Variants in MTX2 observed in about 807,000 individuals in gnomAD.
The protein encoded by MTX2 is metaxin-2.
MTX2 carries 35 observed loss-of-function variants against 42.3 expected under a neutral mutation model. The observed-to-expected ratio is 0.83, with a 90% confidence interval of 0.63 to 1.10. MTX2 has a LOEUF of 1.10. Among genes scored for constraint, MTX2 ranks in the 50% least tolerant of loss-of-function variants. MTX2 has a pLI of 0.00. For synonymous variants in MTX2, 119 were observed against 100.9 expected (o/e 1.18, Z -1.08); for missense variants, 307 against 304.1 (o/e 1.01, Z -0.07).
rs752407774 is a variant in MTX2 at position 176,337,468 on chromosome 2, ACATTACTCT to A, written c.621-20_621-12del. 1 of 1,545,458 alleles carries A rather than the reference ACATTACTCT, an allele frequency of 6.5e-7. No homozygotes were observed. The highest frequency in any genetic ancestry group is 1.2e-5 in the South Asian group (1 of 80,850). Reference sequence around the variant, plus strand: ...TGTAAAAGTTAAATGCTACTTACTCACATTACTCTCATTTCTACTTTTAGGCCTACTGAA... The same window carrying A: ...TGTAAAAGTTAAATGCTACTTACTCACATTTCTACTTTTAGGCCTACTGAA... On this transcript the variant is annotated splice_polypyrimidine_tract_variant and intron_variant, in intron 9 of 9. Coordinates refer to ENST00000249442, the MANE Select transcript of MTX2 (RefSeq NM_006554.5).
chr2:176,295,991 C>G (rs1395881502), intron 1 of MTX2, among the ~76,000 whole-genome samples: 1 of 152,098 alleles, frequency 6.6e-6, no homozygotes, highest in Non-Finnish European at 1.5e-5. Flanking sequence ...ATGGCTTTTA[C>G]AAAGGAGAAT....
chr2:176,309,938 C>T (rs1385014475), intron 3 of MTX2, among the ~76,000 whole-genome samples: 5 of 152,056 alleles, frequency 3.3e-5, no homozygotes, highest in African/African-American at 9.7e-5. Context: ...TGAATTTGAT[C>T]CTGTCATTAT....
intron 1 of MTX2, among the ~76,000 whole-genome samples, chr2:176,296,348 G>T (rs1302276158): frequency 6.6e-6 from 1 of 152,138 alleles, no homozygotes; most frequent in Admixed American, 6.6e-5. Context: ...AATACTGCCA[G>T]ATTGTGGGGA....
chr2:176,288,199 A>G (rs1377704876), intron 1 of MTX2, among the ~76,000 whole-genome samples: 2 of 152,092 alleles, frequency 1.3e-5, no homozygotes, highest in Non-Finnish European at 2.9e-5. Context: ...TTTCGAATTT[A>G]ATATATAGCC....
intron 1 of MTX2, among the ~76,000 whole-genome samples, chr2:176,278,551 G>C (rs1458333053): frequency 6.6e-6 from 1 of 152,054 alleles, no homozygotes; most frequent in African/African-American, 2.4e-5. Context: ...TTGGTGATGG[G>C]TGCCCCATAA....
intron 1 of MTX2, among the ~76,000 whole-genome samples, chr2:176,285,257 G>A (rs926384344): frequency 1.3e-5 from 2 of 151,896 alleles, no homozygotes; most frequent in African/African-American, 4.8e-5. Flanking sequence ...TAAAGTTGTG[G>A]GATGTTTAAT....
At chr2:176,293,737 T>G (rs1050767340) in intron 1 of MTX2, among the ~76,000 whole-genome samples, 1 of 152,194 alleles carries the variant, frequency 6.6e-6, no homozygotes, top group Non-Finnish European at 1.5e-5. Flanking sequence ...CAAAATAAAC[T>G]TCTTTTCTGT....
chr2:176,296,625 C>G (rs1047125672), intron 1 of MTX2, among the ~76,000 whole-genome samples: 3 of 151,892 alleles, frequency 2.0e-5, no homozygotes, highest in African/African-American at 7.3e-5. Context: ...TTCCCCTCTT[C>G]CCCATTAAAA....
intron 1 of MTX2, among the ~76,000 whole-genome samples, chr2:176,277,445 C>T (rs1405173426): frequency 6.6e-6 from 1 of 152,154 alleles, no homozygotes; most frequent in Non-Finnish European, 1.5e-5. Flanking sequence ...TCTTGTTGCC[C>T]AGGCTGGAGT....
chr2:176,311,856 C>T (rs1684318060), intron 3 of MTX2, among the ~76,000 whole-genome samples: 1 of 152,210 alleles, frequency 6.6e-6, no homozygotes, highest in Non-Finnish European at 1.5e-5. Flanking sequence ...CTTGCGCTTC[C>T]TGGGTGAGGC....
intron 3 of MTX2, among the ~76,000 whole-genome samples, chr2:176,305,173 G>A (rs1684109818): frequency 6.6e-6 from 1 of 151,974 alleles, no homozygotes; most frequent in African/African-American, 2.4e-5. Flanking sequence ...AAGACAGTTG[G>A]TGCTGGTCAT....
chr2:176,269,770 G>A, intron 1 of MTX2, 101 bp downstream of exon 1: 2 of 1,358,004 alleles, frequency 1.5e-6, no homozygotes, highest in Non-Finnish European at 9.8e-7. Flanking sequence ...GGCATTATAC[G>A]CTGAACCCGG....
At chr2:176,293,264 A>C (rs777851443) in intron 1 of MTX2, among the ~76,000 whole-genome samples, 4 of 152,226 alleles carry the variant, frequency 2.6e-5, no homozygotes, top group Non-Finnish European at 5.9e-5. Flanking sequence ...CACATGTATA[A>C]ATTTCTTTTA....
In MTX2 at chr2:176,306,886, TG is replaced by T. The variant is rs1303775364; in HGVS notation, c.135+8992del. Reference sequence around the variant, plus strand: ...TGTTCACTCTGATGGTAGTTTCTTTTGCTGTGCAGAAGCTCTTTAGTTTAAT... The same window carrying T: ...TGTTCACTCTGATGGTAGTTTCTTTTCTGTGCAGAAGCTCTTTAGTTTAAT... On this transcript the variant is annotated intron_variant, in intron 3 of 9. Coordinates refer to ENST00000249442, the MANE Select transcript of MTX2 (RefSeq NM_006554.5). 3.3e-5 allele frequency among the ~76,000 whole-genome samples: 5 copies of T among 152,326 alleles called. No individual in the cohort carries two copies. In the East Asian group the frequency reaches 9.6e-4, roughly 29 times the overall value.
intron 3 of MTX2, 36 bp downstream of exon 3, chr2:176,297,931 C>T: frequency 1.4e-6 from 2 of 1,477,110 alleles, no homozygotes; most frequent in South Asian, 2.8e-5. Flanking sequence ...TTTTTCACCC[C>T]CTAGGTGGTT....
chr2:176,273,637 T>G (rs1031332554), intron 1 of MTX2, among the ~76,000 whole-genome samples: 2 of 152,204 alleles, frequency 1.3e-5, no homozygotes, highest in East Asian at 3.9e-4. Context: ...TTTAGAAGTC[T>G]TCTCTGAACT....
At chr2:176,300,032 A>C (rs1398689552) in intron 3 of MTX2, among the ~76,000 whole-genome samples, 2 of 151,204 alleles carry the variant, frequency 1.3e-5, no homozygotes, top group Admixed American at 1.3e-4. Context: ...GCTTTCCTTC[A>C]CTCTTGTATG....
intron 1 of MTX2, among the ~76,000 whole-genome samples, chr2:176,283,147 A>G (rs535037442): frequency 3.3e-5 from 5 of 152,144 alleles, no homozygotes; most frequent in Non-Finnish European, 7.4e-5. Flanking sequence ...GAAGCCAGGT[A>G]TGTGTGACTC....
At chr2:176,300,955 TAGTA>T (rs1224509771) in intron 3 of MTX2, among the ~76,000 whole-genome samples, 4 of 152,250 alleles carry the variant, frequency 2.6e-5, no homozygotes, top group African/African-American at 4.8e-5. Context: ...TATTCAATGT[TAGTA>T]AGAGGAATGG....
Sources: allele counts gnomAD v4.1 joint callset (sites outside exome capture counted in the v4.1 genomes callset), GRCh38; gene constraint gnomAD v4.1.1; transcripts MANE v1.5; gene names NCBI Gene and HGNC (gene_info 2026-07-23, HGNC 2026-07-21).